OR8G1: variants seen among roughly 807,000 people sequenced by gnomAD.
The protein encoded by OR8G1 is olfactory receptor family 8 subfamily G member 1.
For synonymous variants in OR8G1, 129 were observed against 133.3 expected, an observed-to-expected ratio of 0.97 and a Z score of 0.22; for missense variants, 372 against 356.2, an observed-to-expected ratio of 1.04 and a Z score of -0.36.
intron 1 of OR8G1, among the ~76,000 whole-genome samples, chr11:124,246,767 G>A (rs146546237): frequency 2.9e-3 from 444 of 151,060 alleles, no homozygotes; most frequent in Middle Eastern, 0.01. Context: ...ACCATATGGT[G>A]TACTATAAAG....
chr11:124,242,986 A>T (rs1023480922), intron 1 of OR8G1, among the ~76,000 whole-genome samples: 1 of 152,010 alleles, frequency 6.6e-6, no homozygotes, highest in Non-Finnish European at 1.5e-5. Flanking sequence ...CAATTCCCAA[A>T]TCCATGTATA....
At chr11:124,245,913 T>C (rs1437108879) in intron 1 of OR8G1, among the ~76,000 whole-genome samples, 1 of 148,066 alleles carries the variant, frequency 6.8e-6, no homozygotes, top group Non-Finnish European at 1.5e-5. Context: ...TTCTGGATAT[T>C]AGCCCTTTGT....
At chr11:124,248,219 A>G (rs1416891549) in intron 2 of OR8G1, among the ~76,000 whole-genome samples, 1 of 151,914 alleles carries the variant, frequency 6.6e-6, no homozygotes, top group Non-Finnish European at 1.5e-5. Flanking sequence ...CTTCATATTA[A>G]TTGTAAATAT....
rs1016541265 is a variant in OR8G1, at chr11:124,242,501, A to G, written c.-97+1137A>G. ...AACTGGCTCTGAATGCCACAGTCTT[A>G]TCTGTGAGAACCCGAGGGCTACAGA... On this transcript the variant is annotated intron_variant, in intron 1 of 2. Transcript: ENST00000641972. Among the ~76,000 whole-genome samples the G allele has an allele frequency of 3.3e-5, 5 of 152,028 alleles. No homozygotes were observed. In the South Asian group the frequency reaches 8.3e-4, roughly 25 times the overall value.
intron 1 of OR8G1, among the ~76,000 whole-genome samples, chr11:124,244,019 GGAT>G (rs777048569): frequency 3.4e-4 from 51 of 150,538 alleles, no homozygotes; most frequent in Non-Finnish European, 1.6e-4. Context: ...AACAAGGAAA[GGAT>G]GGAGAGAGGG....
Position 124,250,438 on chromosome 11 carries a change from G to C in OR8G1, c.763G>C (p.Ala255Pro). The C allele has an allele frequency of 6.2e-7, 1 of 1,613,772 alleles. No homozygotes were observed. The highest frequency in any genetic ancestry group is 8.5e-7 in the Non-Finnish European group (1 of 1,179,806). The stretch of plus-strand genomic sequence containing the variant: ...GGCGGTTGTAATCTTTTTTGGATCT[G>C]CAGCATTCATGTACTTGCAGCCATC... Reference protein sequence around the residue: ...MLAVVIFFGSAAFMYLQPSSI... With the variant: ...MLAVVIFFGSPAFMYLQPSSI... Residue 255 changes from alanine (A) to proline (P), a missense_variant, in exon 3 of 3, where the codon GCA becomes CCA. By Grantham distance (27) the Ala-to-Pro change is conservative. Transcript: ENST00000641972.
intron 1 of OR8G1, among the ~76,000 whole-genome samples, chr11:124,246,548 A>G (rs1043508336): frequency 1.3e-5 from 2 of 151,874 alleles, no homozygotes; most frequent in East Asian, 1.9e-4. Context: ...AGGAAGAAGT[A>G]TAAAAATCAG....
intron 1 of OR8G1, among the ~76,000 whole-genome samples, chr11:124,241,631 T>C (rs1320312572): frequency 6.6e-6 from 1 of 152,082 alleles, no homozygotes; most frequent in Non-Finnish European, 1.5e-5. Context: ...GAGCTTACAG[T>C]AGGAAGATCA....
chr11:124,253,590 TTGTG>T lies in OR8G1; in HGVS notation c.*2988_*2991del. On this transcript the variant is annotated 3_prime_UTR_variant, in exon 3 of 3. Transcript: ENST00000641972. ...CATATATATTACCTAACATATTTAT[TTGTG>T]TGTGTGTGGTGAGAACACTAATCCA... 1 of 152,218 alleles carries T rather than the reference TTGTG, an allele frequency of 6.6e-6. No individual in the cohort carries two copies. Among genetic ancestry groups the T allele is most frequent in the East Asian group, 1.9e-4 (1 of 5,186 alleles). 9.4% of individuals were successfully genotyped at this position (152,218 alleles called of 1,614,324 possible).
chr11:124,250,129 G>C lies in OR8G1; in HGVS notation c.454G>C (p.Gly152Arg). 2 of 1,613,710 alleles carry C rather than the reference G, an allele frequency of 1.2e-6. No individual in the cohort carries two copies. Among genetic ancestry groups the C allele is most frequent in the Non-Finnish European group, 1.7e-6 (2 of 1,179,796 alleles). The change falls in exon 3 of 3, where the codon GGC becomes CGC. Residue 152 changes from glycine (G) to arginine (R), a missense_variant. By Grantham distance (125) the Gly-to-Arg change is moderately radical (BLOSUM62 -2). Transcript: ENST00000641972. ...FSLILGVYIIGLVCASVHTGC... is the reference protein window; with the variant it reads ...FSLILGVYIIRLVCASVHTGC... ...TCTGATTTTAGGGGTGTATATAATA[G>C]GCCTGGTTTGTGCATCAGTTCATAC... is the stretch of plus-strand genomic sequence containing the variant.
chr11:124,243,244 C>T (rs749312740), intron 1 of OR8G1, among the ~76,000 whole-genome samples: 15 of 151,814 alleles, frequency 9.9e-5, no homozygotes, highest in South Asian at 6.2e-4. Context: ...ATTTTTAACA[C>T]GCAGGAGTAA....
chr11:124,245,083 A>G (rs1279748738), intron 1 of OR8G1, among the ~76,000 whole-genome samples: 1 of 151,796 alleles, frequency 6.6e-6, no homozygotes, highest in East Asian at 1.9e-4. Context: ...TTACATATGT[A>G]TACATGTGCC....
chr11:124,245,016 A>T (rs945967405), intron 1 of OR8G1, among the ~76,000 whole-genome samples: 90 of 143,316 alleles, frequency 6.3e-4, no homozygotes, highest in African/African-American at 2.2e-3. Context: ...TCTTTTTTTT[A>T]AATTATTAGT....
intron 1 of OR8G1, among the ~76,000 whole-genome samples, chr11:124,246,704 C>T (rs1042933632): frequency 1.3e-5 from 2 of 151,532 alleles, no homozygotes; most frequent in Admixed American, 6.6e-5. Context: ...ACATGACCCT[C>T]CAAAGACAGA....
chr11:124,248,859 G>T (rs1861836995), intron 2 of OR8G1, among the ~76,000 whole-genome samples: 1 of 152,022 alleles, frequency 6.6e-6, no homozygotes, highest in South Asian at 2.1e-4. Context: ...CTTACTTTCT[G>T]ATTAATAAGT....
In OR8G1 at chr11:124,251,470, G is replaced by C. The variant is rs1012182238; in HGVS notation, c.*859G>C. ...AAATTTACTTTAGAAGGTTCTTCAA[G>C]AATCTATAATATAACTGGTAACATT... is the stretch of plus-strand genomic sequence containing the variant. On this transcript the variant is annotated 3_prime_UTR_variant, in exon 3 of 3. Coordinates refer to ENST00000641972, the MANE Select transcript of OR8G1 (RefSeq NM_001002905.2). 6.9e-6 allele frequency: 5 copies of C among 724,384 alleles called. No individual in the cohort carries two copies. The African/African-American group carries it at 8.4e-5, about 12-fold the overall frequency. The allele number at this position is 724,384 out of a possible 1,614,324, so 44.9% of individuals were successfully genotyped here.
chr11:124,249,605 A>G (rs1861843942), intron 2 of OR8G1, 55 bp from the exon 3 acceptor site: 3 of 1,480,652 alleles, frequency 2.0e-6, no homozygotes, highest in Non-Finnish European at 1.8e-6. Context: ...GAAGAATAAT[A>G]AAGTCCCTCC....
At chr11:124,242,366 T>C (rs1216280265) in intron 1 of OR8G1, among the ~76,000 whole-genome samples, 1 of 152,052 alleles carries the variant, frequency 6.6e-6, no homozygotes, top group Non-Finnish European at 1.5e-5. Context: ...TGTAATATGA[T>C]AAGTGTGGAA....
intron 1 of OR8G1, among the ~76,000 whole-genome samples, chr11:124,246,516 A>G (rs2512231): frequency 0.89 from 134,424 of 151,652 alleles, 59,775 homozygotes; most frequent in African/African-American, 0.96. Flanking sequence ...TAAGGGGTTA[A>G]ATCCAAGGAT....
Sources: gnomAD v4.1 joint callset for allele counts (sites outside exome capture counted in the v4.1 genomes callset) on GRCh38, gnomAD v4.1.1 for gene constraint, MANE v1.5 for transcripts, NCBI Gene and HGNC (gene_info 2026-07-23, HGNC 2026-07-21) for gene names.